Variants in RFC3 observed in about 807,000 individuals in gnomAD.
RFC3 encodes the protein replication factor C subunit 3.
In RFC3, 41 loss-of-function variants were observed where a neutral mutation model predicts 45.1. The ratio of observed to expected loss-of-function variants is 0.91; its 90% CI spans 0.71 to 1.18. RFC3 has a LOEUF of 1.18. Among genes scored for constraint, RFC3 ranks in the 50% most tolerant of loss-of-function variants. The probability of loss-of-function intolerance (pLI) is 0.00; values close to 1 mark genes in which losing one functional copy is unlikely to be tolerated. For synonymous variants in RFC3, 149 were observed against 144.0 expected (o/e 1.03, Z -0.25); for missense variants, 423 against 428.1 (o/e 0.99, Z 0.10).
chr13:33,901,010 A>G (rs1461834549), intron 8 of RFC3, among the ~76,000 whole-genome samples: 1 of 151,834 alleles, frequency 6.6e-6, no homozygotes, highest in Admixed American at 6.6e-5. Flanking sequence ...TCTCACTTCA[A>G]TTAAAATGAA....
chr13:33,868,033 G>T (rs953647873), intron 8 of RFC3, among the ~76,000 whole-genome samples: 3 of 152,178 alleles, frequency 2.0e-5, no homozygotes, highest in African/African-American at 7.2e-5. Context: ...TTGAGCTGGA[G>T]GCAGTAACTG....
chr13:33,926,252 A>G (rs2082812543), intron 8 of RFC3, among the ~76,000 whole-genome samples: 1 of 151,126 alleles, frequency 6.6e-6, no homozygotes, highest in Non-Finnish European at 1.5e-5. Context: ...AGATATACCT[A>G]ATGCTACATG....
chr13:33,942,012 TG>T (rs1398789036), intron 8 of RFC3, among the ~76,000 whole-genome samples: 7 of 152,146 alleles, frequency 4.6e-5, no homozygotes, highest in African/African-American at 1.7e-4. Flanking sequence ...CCCAATCTAA[TG>T]ATCTGTTGAA....
intron 8 of RFC3, among the ~76,000 whole-genome samples, chr13:33,877,928 A>G (rs988399575): frequency 1.3e-5 from 2 of 151,422 alleles, no homozygotes; most frequent in Middle Eastern, 3.2e-3. Context: ...AGGCTATTAT[A>G]GCCTCTGCCC....
chr13:33,851,722 A>G (rs1308257058), intron 8 of RFC3, among the ~76,000 whole-genome samples: 4 of 152,148 alleles, frequency 2.6e-5, no homozygotes, highest in Non-Finnish European at 5.9e-5. Flanking sequence ...ACCCATCTAA[A>G]CAGTGACTAT....
intron 8 of RFC3, among the ~76,000 whole-genome samples, chr13:33,958,886 C>T (rs2083039028): frequency 6.6e-6 from 1 of 152,106 alleles, no homozygotes; most frequent in African/African-American, 2.4e-5. Context: ...TTGCAGAGGG[C>T]CTCCAAGGCC....
At chr13:33,954,497 A>G (rs1188469558) in intron 8 of RFC3, among the ~76,000 whole-genome samples, 1 of 152,220 alleles carries the variant, frequency 6.6e-6, no homozygotes, top group Admixed American at 6.5e-5. Flanking sequence ...GATAGGGCCA[A>G]CTTATCGCAA....
At chr13:33,931,371 T>C (rs2082850869) in intron 8 of RFC3, among the ~76,000 whole-genome samples, 1 of 152,078 alleles carries the variant, frequency 6.6e-6, no homozygotes. Context: ...CCCTGGAGTT[T>C]TTGTTTCTGT....
exon 9 of RFC3, chr13:33,966,360 C>T (rs2083087839): frequency 5.1e-6 from 3 of 584,936 alleles, no homozygotes; most frequent in Admixed American, 3.0e-5. Context: ...TCAAAACACT[C>T]ATCTCCTCTG....
At chr13:33,829,554 G>A in intron 4 of RFC3, 2 of 332,662 alleles carry the variant, frequency 6.0e-6, no homozygotes, top group South Asian at 1.0e-4. Flanking sequence ...GCCAACGCAA[G>A]GTCTCACAAT....
chr13:33,867,181 G>A (rs874300), intron 8 of RFC3, among the ~76,000 whole-genome samples: 134,357 of 152,150 alleles, frequency 0.88, 59,686 homozygotes, highest in Non-Finnish European at 0.94. Flanking sequence ...GCAGTGGACA[G>A]TGGAATACTT....
At chr13:33,834,329 T>TATATACATATATATATATATACACATAC (rs1300798923) in intron 7 of RFC3, among the ~76,000 whole-genome samples, 1 of 125,106 alleles carries the variant, frequency 8.0e-6, no homozygotes, top group African/African-American at 3.4e-5. Context: ...TATATATATA[T>TATATACATATATATATATATACACATAC]ATCTGTACTG....
At chr13:33,954,868 T>C (rs1593716735) in intron 8 of RFC3, among the ~76,000 whole-genome samples, 2 of 152,316 alleles carry the variant, frequency 1.3e-5, no homozygotes, top group East Asian at 3.9e-4. Context: ...ATATGAATTT[T>C]AGGGGAACAC....
intron 8 of RFC3, among the ~76,000 whole-genome samples, chr13:33,957,496 G>A (rs562050184): frequency 6.6e-4 from 101 of 152,110 alleles, no homozygotes; most frequent in Admixed American, 5.5e-3. Context: ...GCCCTGTTCC[G>A]TACCACTTAT....
chr13:33,880,195 A>G (rs1450346625), intron 8 of RFC3, among the ~76,000 whole-genome samples: 1 of 152,192 alleles, frequency 6.6e-6, no homozygotes, highest in Admixed American at 6.5e-5. Context: ...TGTCTGACAC[A>G]CTTCTTACCA....
At chr13:33,968,994 AC>A (rs1404201381), downstream of RFC3, among the ~76,000 whole-genome samples, 1 of 152,124 alleles carries the variant, frequency 6.6e-6, no homozygotes, top group Non-Finnish European at 1.5e-5. Flanking sequence ...CAGTTCACCC[AC>A]CGTACAAATT....
chr13:33,844,571 G>C (rs1431181971), intron 8 of RFC3, among the ~76,000 whole-genome samples: 2 of 151,916 alleles, frequency 1.3e-5, no homozygotes, highest in East Asian at 3.8e-4. Flanking sequence ...ATTTGAGGTT[G>C]CTATCAGGTT....
Position 33,836,529 on chromosome 13 carries a change from T to G in RFC3, c.*234T>G. 1 of 1,214,038 alleles carries G rather than the reference T, an allele frequency of 8.2e-7. No individual in the cohort carries two copies. Among genetic ancestry groups the G allele is most frequent in the Admixed American group, 3.8e-5 (1 of 26,288 alleles). The allele number at this position is 1,214,038 out of a possible 1,614,324, so 75.2% of individuals were successfully genotyped here. A position where few individuals can be genotyped will look rare whatever the true frequency, so the allele number is the denominator to read the frequency against. ...ACTTTAGAGTCTAAGAAAATGATCT[T>G]AATTTACTTTAAGCATTGGTTATTC... is the stretch of plus-strand genomic sequence containing the variant. On this transcript the variant is annotated 3_prime_UTR_variant, in exon 9 of 9. Coordinates refer to ENST00000380071, the MANE Select transcript of RFC3 (RefSeq NM_002915.4).
intron 7 of RFC3, among the ~76,000 whole-genome samples, chr13:33,831,749 C>G (rs1409160722): frequency 6.6e-6 from 1 of 152,158 alleles, no homozygotes; most frequent in Non-Finnish European, 1.5e-5. Context: ...AGACACCAGA[C>G]TATAAGTCAG....
Sources: allele counts gnomAD v4.1 joint callset (sites outside exome capture counted in the v4.1 genomes callset), GRCh38; gene constraint gnomAD v4.1.1; transcripts MANE v1.5; gene names NCBI Gene and HGNC (gene_info 2026-07-23, HGNC 2026-07-21).